The following FRMD4B variants were observed in gnomAD, a reference collection of about 807,000 sequenced individuals.
FRMD4B encodes FERM domain-containing protein 4B.
In FRMD4B, 74 loss-of-function variants were observed where a neutral mutation model predicts 141.5. The ratio of observed to expected loss-of-function variants is 0.52; its 90% CI spans 0.43 to 0.63. The LOEUF (loss-of-function observed/expected upper bound fraction) is 0.63, where lower values mean the gene tolerates loss of function less well. Ranked by LOEUF, FRMD4B falls within the 30% of genes least tolerant of loss-of-function variation. The probability of loss-of-function intolerance (pLI) is 0.00; values close to 1 mark genes in which losing one functional copy is unlikely to be tolerated. For missense variants in FRMD4B, 1,366 were observed against 1,253.4 expected (o/e 1.09, Z -1.36); for synonymous variants, 506 against 467.9 (o/e 1.08, Z -1.05).
intron 1 of FRMD4B, among the ~76,000 whole-genome samples, chr3:69,323,564 C>G (rs550620631): frequency 9.0e-4 from 125 of 138,236 alleles, no homozygotes; most frequent in African/African-American, 3.2e-3. Flanking sequence ...GACTCTGTCT[C>G]AAAAAAACAA....
At chr3:69,186,136 C>T (rs66517137) in intron 19 of FRMD4B, among the ~76,000 whole-genome samples, 3,543 of 151,200 alleles carry the variant, frequency 0.023, 54 homozygotes, top group Non-Finnish European at 0.036. Flanking sequence ...TAACTTCATT[C>T]GATTAATATT....
intron 11 of FRMD4B, chr3:69,200,769 C>T (rs780110610): frequency 2.9e-5 from 27 of 935,734 alleles, no homozygotes; most frequent in East Asian, 6.1e-5. Context: ...CGAATTTCAC[C>T]GGAGGCTGTT....
rs539802376 is a variant in FRMD4B at position 69,189,190 on chromosome 3, C to T, written c.1771+706G>A. ...TGAGCTGAGATCGCACCAGTGCACT[C>T]TAGCCTGGGCAACAAGAGCGAAACT... On this transcript the variant is annotated intron_variant, in intron 18 of 22. Coordinates refer to ENST00000398540, the MANE Select transcript of FRMD4B (RefSeq NM_015123.3). Among the ~76,000 whole-genome samples the T allele has an allele frequency of 1.4e-4, 18 of 128,614 alleles. No homozygotes were observed. In the South Asian group the frequency reaches 4.4e-3, roughly 32 times the overall value. The allele number at this position is 128,614 out of a possible 152,430, so 84.4% of individuals were successfully genotyped here. A position where few individuals can be genotyped will look rare whatever the true frequency, so the allele number is the denominator to read the frequency against.
chr3:69,406,582 C>T (rs903120381), intron 2 of FRMD4B, among the ~76,000 whole-genome samples: 2 of 152,226 alleles, frequency 1.3e-5, no homozygotes, highest in African/African-American at 4.8e-5. Context: ...GCTGCCTCCT[C>T]GTTTGCAACT....
chr3:69,348,764 G>T (rs759110146), intron 1 of FRMD4B, among the ~76,000 whole-genome samples: 1 of 152,080 alleles, frequency 6.6e-6, no homozygotes. Flanking sequence ...TGCAGAAAAC[G>T]CCTTTGACAA....
chr3:69,283,429 CAAA>C (rs59444542), intron 5 of FRMD4B, among the ~76,000 whole-genome samples: 428 of 139,312 alleles, frequency 3.1e-3, no homozygotes, highest in Middle Eastern at 7.3e-3. Context: ...GCAACAACAA[CAAA>C]AAAAAAAAAA....
At chr3:69,250,247 G>C in intron 5 of FRMD4B, 148 bp from the exon 6 acceptor site, 1 of 708,486 alleles carries the variant, frequency 1.4e-6, no homozygotes, top group Non-Finnish European at 2.6e-6. Flanking sequence ...AGTGGGGGGT[G>C]TGGAGAGACT....
chr3:69,455,468 C>T (rs762231167), intron 1 of FRMD4B, among the ~76,000 whole-genome samples: 5 of 152,206 alleles, frequency 3.3e-5, no homozygotes, highest in Non-Finnish European at 7.3e-5. Context: ...AGACATGCCA[C>T]CTTGAGAGCT....
intron 12 of FRMD4B, 121 bp downstream of exon 12, chr3:69,198,577 C>G (rs1255981410): frequency 3.1e-6 from 2 of 641,006 alleles, no homozygotes; most frequent in Non-Finnish European, 5.7e-6. Flanking sequence ...AATTCCATTC[C>G]TAGGTATACA....
At chr3:69,325,133 ATT>A in intron 1 of FRMD4B, among the ~76,000 whole-genome samples, 1 of 110,238 alleles carries the variant, frequency 9.1e-6, no homozygotes, top group Non-Finnish European at 2.0e-5. Context: ...AAGAAAAGAA[ATT>A]AATTGATGGA....
At chr3:69,176,771 G>T (rs2092650702) in intron 21 of FRMD4B, 115 bp from the exon 22 acceptor site, 2 of 669,794 alleles carry the variant, frequency 3.0e-6, no homozygotes, top group Admixed American at 5.5e-5. Context: ...ATTTAAGAGG[G>T]TTTGAAATAA....
At chr3:69,227,825 CAA>C (rs1368120159) in intron 7 of FRMD4B, among the ~76,000 whole-genome samples, 1 of 151,218 alleles carries the variant, frequency 6.6e-6, no homozygotes, top group Non-Finnish European at 1.5e-5. Flanking sequence ...CTGTACAACA[CAA>C]AGAGTGAACC....
intron 11 of FRMD4B, among the ~76,000 whole-genome samples, chr3:69,211,037 A>AAAAAG (rs1291383930): frequency 1.3e-5 from 2 of 151,338 alleles, no homozygotes; most frequent in Admixed American, 6.6e-5. Context: ...AAAAAAAAAA[A>AAAAAG]AAAGAAAGAA....
chr3:69,354,948 G>T (rs1703269645), intron 1 of FRMD4B, among the ~76,000 whole-genome samples: 1 of 151,902 alleles, frequency 6.6e-6, no homozygotes, highest in African/African-American at 2.4e-5. Context: ...CCTCCCAATT[G>T]GACGGGTTGG....
At chr3:69,508,879 C>T (rs1255803372) in intron 1 of FRMD4B, among the ~76,000 whole-genome samples, 1 of 152,196 alleles carries the variant, frequency 6.6e-6, no homozygotes, top group Non-Finnish European at 1.5e-5. Context: ...GTCTCCATTT[C>T]ATAGACAAGG....
At chr3:69,212,774 T>C (rs1376904171) in intron 11 of FRMD4B, among the ~76,000 whole-genome samples, 2 of 152,202 alleles carry the variant, frequency 1.3e-5, no homozygotes, top group Non-Finnish European at 2.9e-5. Flanking sequence ...AATAAATTAC[T>C]TGTGAGTTGT....
intron 1 of FRMD4B, among the ~76,000 whole-genome samples, chr3:69,477,117 G>A (rs1233257550): frequency 6.6e-6 from 1 of 152,090 alleles, no homozygotes; most frequent in Non-Finnish European, 1.5e-5. Flanking sequence ...GAGACGATGG[G>A]GTTTTCTAGA....
intron 12 of FRMD4B, chr3:69,198,228 T>TA (rs2092928705): frequency 7.4e-6 from 1 of 134,606 alleles, no homozygotes; most frequent in African/African-American, 2.7e-5. Flanking sequence ...TTTTTTTTTT[T>TA]AAATGACCAA....
rs1329311300 is a variant in FRMD4B at position 69,219,143 on chromosome 3, T to C, written c.732-764A>G. ...TTGCACTATTGCACTCCAGCCTGGG[T>C]GACAGAGTGAGAATCTGTCAAAAAA... On this transcript the variant is annotated intron_variant, in intron 9 of 22. Coordinates refer to ENST00000398540, the MANE Select transcript of FRMD4B (RefSeq NM_015123.3). Among the ~76,000 whole-genome samples the C allele has an allele frequency of 1.1e-4, 15 of 131,754 alleles. No homozygotes were observed. In the East Asian group the frequency reaches 3.3e-3, roughly 29 times the overall value. The allele number at this position is 131,754 out of a possible 152,430, so 86.4% of individuals were successfully genotyped here.
Sources: allele counts gnomAD v4.1 joint callset (sites outside exome capture counted in the v4.1 genomes callset), GRCh38; gene constraint gnomAD v4.1.1; transcripts MANE v1.5; gene names NCBI Gene and HGNC (gene_info 2026-07-23, HGNC 2026-07-21).